SYT14: variants seen among roughly 807,000 people sequenced by gnomAD.
SYT14 encodes the protein synaptotagmin 14.
A neutral mutation model predicts 74.2 loss-of-function variants in SYT14; 32 were observed. That is an observed-to-expected ratio of 0.43 (90% CI 0.33 to 0.58). SYT14 has a LOEUF of 0.58. Ranked by LOEUF, SYT14 falls within the 20% of genes least tolerant of loss-of-function variation. The probability of loss-of-function intolerance (pLI) is 0.05; values close to 1 mark genes in which losing one functional copy is unlikely to be tolerated. For synonymous variants in SYT14, 298 were observed against 337.7 expected (o/e 0.88, Z 1.29); for missense variants, 791 against 981.8 (o/e 0.81, Z 2.60).
At position 209,977,540 on chromosome 1, in the gene SYT14, G is replaced by C. The variant is rs184923381; in HGVS notation, c.-486+24784G>C. 1.8e-3 allele frequency among the ~76,000 whole-genome samples: 270 copies of C among 152,218 alleles called. 3 individuals carry two copies. The Middle Eastern group carries it at 0.037, about 21-fold the overall frequency. Reference sequence around the variant, plus strand: ...AGAATGTTGAATATTGGTCCCCACTGTCTTCTGGCTTGTAGAGTTTCTGCC... The same window carrying C: ...AGAATGTTGAATATTGGTCCCCACTCTCTTCTGGCTTGTAGAGTTTCTGCC... On this transcript the variant is annotated intron_variant, in intron 2 of 9. Coordinates refer to ENST00000637265, the Ensembl canonical transcript of SYT14.
At chr1:210,103,297 T>A (rs866200866) in intron 7 of SYT14, among the ~76,000 whole-genome samples, 1 of 152,054 alleles carries the variant, frequency 6.6e-6, no homozygotes, top group Non-Finnish European at 1.5e-5. Flanking sequence ...ACACCTGTAT[T>A]CCCAACACTT....
chr1:209,986,612 C>CAA (rs200153846), intron 2 of SYT14, among the ~76,000 whole-genome samples: 1 of 140,026 alleles, frequency 7.1e-6, no homozygotes, highest in Non-Finnish European at 1.6e-5. Context: ...GACTCCGTCT[C>CAA]AAAAAAAAAA....
At chr1:209,983,372 C>T (rs1477369894) in intron 2 of SYT14, among the ~76,000 whole-genome samples, 2 of 152,032 alleles carry the variant, frequency 1.3e-5, no homozygotes, top group African/African-American at 4.8e-5. Flanking sequence ...CTCACAGGCC[C>T]TCATTATGTT....
intron 2 of SYT14, among the ~76,000 whole-genome samples, chr1:209,956,722 C>T (rs902043236): frequency 3.3e-5 from 5 of 152,114 alleles, no homozygotes; most frequent in African/African-American, 1.2e-4. Context: ...CTTACATGCT[C>T]TATATATGCT....
intron 5 of SYT14, among the ~76,000 whole-genome samples, chr1:210,026,862 G>A (rs12566314): frequency 0.034 from 5,159 of 150,860 alleles, 609 homozygotes; most frequent in Admixed American, 0.23. Context: ...ATTAATTTTC[G>A]TAATTTCTTT....
In SYT14 at chr1:210,016,290, G is replaced by A. The variant is rs2080181101; in HGVS notation, c.287G>A (p.Arg96Lys). The change falls in exon 4 of 10, where the codon AGA becomes AAA. Residue 96 changes from arginine (R) to lysine (K), a missense_variant. Coordinates refer to ENST00000637265, the Ensembl canonical transcript of SYT14. Reference sequence around the variant, plus strand: ...AAAACACAAGCCAATTTAGAGCATAGAGCAAAGCAAATAAATACTTGTAAA... The same window carrying A: ...AAAACACAAGCCAATTTAGAGCATAAAGCAAAGCAAATAAATACTTGTAAA... 4.9e-6 allele frequency: 6 copies of A among 1,232,074 alleles called. No individual in the cohort carries two copies. In the East Asian group the frequency reaches 1.6e-4, roughly 32 times the overall value. The allele number at this position is 1,232,074 out of a possible 1,614,324, so 76.3% of individuals were successfully genotyped here.
intron 2 of SYT14, among the ~76,000 whole-genome samples, chr1:209,983,295 G>A (rs2079519630): frequency 1.3e-5 from 2 of 151,896 alleles, no homozygotes; most frequent in Admixed American, 1.3e-4. Context: ...TTCTGATATT[G>A]TTCTGCCTTT....
chr1:210,048,181 T>G (rs2080921874), intron 5 of SYT14, among the ~76,000 whole-genome samples: 1 of 152,242 alleles, frequency 6.6e-6, no homozygotes, highest in South Asian at 2.1e-4. Flanking sequence ...ATTCTTTTTC[T>G]ATTCAGTGTT....
At chr1:210,042,330 G>A (rs879786973) in intron 5 of SYT14, among the ~76,000 whole-genome samples, 44 of 152,222 alleles carry the variant, frequency 2.9e-4, no homozygotes, top group Admixed American at 5.2e-4. Flanking sequence ...TAAAAAATAA[G>A]TGGAAGTTTC....
intron 5 of SYT14, among the ~76,000 whole-genome samples, chr1:210,036,074 G>T (rs1457682341): frequency 1.3e-5 from 2 of 151,868 alleles, no homozygotes; most frequent in African/African-American, 4.8e-5. Context: ...ATCATTGACG[G>T]TTTCTTTCAT....
Position 209,968,429 on chromosome 1 carries a change from A to T in SYT14, c.-486+15673A>T, listed in dbSNP as rs377251869. 3.9e-5 allele frequency among the ~76,000 whole-genome samples: 6 copies of T among 152,072 alleles called. No homozygotes were observed. In the East Asian group the frequency reaches 1.2e-3, roughly 29 times the overall value. On this transcript the variant is annotated intron_variant, in intron 2 of 9. Transcript: ENST00000637265. Reference sequence around the variant, plus strand: ...GTAGTATCATATGGAGTAGTTTCATATGGTAGATACTATATGATATTATAG... The same window carrying T: ...GTAGTATCATATGGAGTAGTTTCATTTGGTAGATACTATATGATATTATAG...
intron 2 of SYT14, among the ~76,000 whole-genome samples, chr1:209,965,735 G>A (rs1173288879): frequency 2.6e-5 from 4 of 152,078 alleles, no homozygotes. Context: ...TATGATGTGA[G>A]ATACATATCA....
intron 5 of SYT14, among the ~76,000 whole-genome samples, chr1:210,076,273 A>G (rs546123398): frequency 6.6e-6 from 1 of 152,340 alleles, no homozygotes; most frequent in South Asian, 2.1e-4. Flanking sequence ...ACTAATATAG[A>G]TGCCATGGTG....
intron 5 of SYT14, among the ~76,000 whole-genome samples, chr1:210,030,086 G>A (rs1271382035): frequency 1.3e-5 from 2 of 151,854 alleles, no homozygotes; most frequent in Non-Finnish European, 2.9e-5. Context: ...GGTTTTTTTA[G>A]TGTTGACTTT....
At chr1:210,119,946 G>T (rs556381934) in intron 7 of SYT14, among the ~76,000 whole-genome samples, 1 of 152,190 alleles carries the variant, frequency 6.6e-6, no homozygotes, top group East Asian at 1.9e-4. Flanking sequence ...GATAAAACGG[G>T]TGTCCTTAAT....
At chr1:210,157,880 A>G (rs1373841289) in intron 8 of SYT14, among the ~76,000 whole-genome samples, 1 of 152,200 alleles carries the variant, frequency 6.6e-6, no homozygotes, top group Non-Finnish European at 1.5e-5. Context: ...AAAAGTTACT[A>G]TAATATATTG....
At chr1:209,985,946 C>G (rs1056134093) in intron 2 of SYT14, among the ~76,000 whole-genome samples, 1 of 152,176 alleles carries the variant, frequency 6.6e-6, no homozygotes, top group Non-Finnish European at 1.5e-5. Context: ...TGCAGGGCAG[C>G]AGGACCCTAG....
At position 210,102,408 on chromosome 1, in the gene SYT14, T is replaced by A. The variant is rs528200678; in HGVS notation, c.2034+1947T>A. Among the ~76,000 whole-genome samples, 131 of 152,326 alleles carry A rather than the reference T, an allele frequency of 8.6e-4. 1 individual carries two copies. Among genetic ancestry groups the A allele is most frequent in the African/African-American group, 2.9e-3 (122 of 41,580 alleles). Reference sequence around the variant, plus strand: ...ATTTAATTGTTCTTTTTTGTCACTTTCCTTCTTTCTCCACCTTCTCAAAAT... The same window carrying A: ...ATTTAATTGTTCTTTTTTGTCACTTACCTTCTTTCTCCACCTTCTCAAAAT... On this transcript the variant is annotated intron_variant, in intron 7 of 9. Coordinates refer to ENST00000637265, the Ensembl canonical transcript of SYT14.
intron 7 of SYT14, among the ~76,000 whole-genome samples, chr1:210,105,183 T>C (rs2082137167): frequency 6.6e-6 from 1 of 152,206 alleles, no homozygotes; most frequent in Non-Finnish European, 1.5e-5. Context: ...ACAAGCACTG[T>C]ACATGATTCT....
Sources: allele counts gnomAD v4.1 joint callset (sites outside exome capture counted in the v4.1 genomes callset), GRCh38; gene constraint gnomAD v4.1.1; transcripts MANE v1.5; gene names NCBI Gene and HGNC (gene_info 2026-07-23, HGNC 2026-07-21).